Variants in ILDR2 observed in about 807,000 individuals in gnomAD.
ILDR2 encodes immunoglobulin like domain containing receptor 2.
ILDR2 carries 25 observed loss-of-function variants against 66.8 expected under a neutral mutation model. That is an observed-to-expected ratio of 0.37 (90% CI 0.27 to 0.52). The LOEUF (loss-of-function observed/expected upper bound fraction) is 0.52, where lower values mean the gene tolerates loss of function less well. Among genes scored for constraint, ILDR2 ranks in the 20% least tolerant of loss-of-function variants. The pLI is 0.88. For missense variants in ILDR2, 827 were observed against 876.8 expected (o/e 0.94, Z 0.72); for synonymous variants, 367 against 357.2 (o/e 1.03, Z -0.31).
chr1:166,900,436 C>T (rs1417854311), intron 2 of ILDR2, among the ~76,000 whole-genome samples: 1 of 152,238 alleles, frequency 6.6e-6, no homozygotes, highest in Non-Finnish European at 1.5e-5. Context: ...TCATTGCACA[C>T]ACTTTGAGAT....
chr1:166,905,472 G>A (rs1659330464), downstream of ILDR2, among the ~76,000 whole-genome samples: 1 of 152,320 alleles, frequency 6.6e-6, no homozygotes, highest in Non-Finnish European at 1.5e-5. Context: ...ATGAAACTGA[G>A]GCTAAGATAT....
chr1:166,938,324 A>G (rs1272568820), intron 4 of ILDR2, among the ~76,000 whole-genome samples: 1 of 152,244 alleles, frequency 6.6e-6, no homozygotes, highest in Non-Finnish European at 1.5e-5. Flanking sequence ...AAACAAAAGA[A>G]TATTATCTGT....
chr1:166,964,226 G>C (rs988815402), intron 1 of ILDR2, among the ~76,000 whole-genome samples: 2 of 152,050 alleles, frequency 1.3e-5, no homozygotes, highest in Admixed American at 1.3e-4. Context: ...GCAGAGGAGG[G>C]AGTCATCATT....
Position 166,922,960 on chromosome 1 carries a change from T to C in ILDR2, c.995-151A>G, listed in dbSNP as rs1481922632. On this transcript the variant is annotated intron_variant, in intron 7 of 9. Coordinates refer to ENST00000271417, the MANE Select transcript of ILDR2 (RefSeq NM_199351.3). ...GGTTGTAAGCCTGAACTAGTGGTGT[T>C]TGTATTCTTAGCTCAGCAGGCATTG... is the stretch of plus-strand genomic sequence containing the variant. 5.6e-5 allele frequency: 37 copies of C among 661,420 alleles called. No homozygotes were observed. The East Asian group carries it at 1.0e-3, about 18-fold the overall frequency. 41.0% of individuals were successfully genotyped at this position (661,420 alleles called of 1,614,324 possible). A position where few individuals can be genotyped will look rare whatever the true frequency, so the allele number is the denominator to read the frequency against.
At chr1:166,895,962 TGTTCCTATGTCTTCA>T (rs1659160043) in exon 3 of ILDR2, 5 of 152,256 alleles carry the variant, frequency 3.3e-5, no homozygotes, top group South Asian at 2.1e-4. Flanking sequence ...TTCTTCTCGA[TGTTCCTATGTCTTCA>T]GAGATAAGAA....
At chr1:166,947,858 G>T (rs528152236) in intron 3 of ILDR2, among the ~76,000 whole-genome samples, 1 of 152,180 alleles carries the variant, frequency 6.6e-6, no homozygotes, top group Admixed American at 6.5e-5. Flanking sequence ...GCGGAATAAA[G>T]GCTGCGAGGA....
At chr1:166,932,245 C>T (rs1017589352) in intron 6 of ILDR2, among the ~76,000 whole-genome samples, 1 of 152,152 alleles carries the variant, frequency 6.6e-6, no homozygotes, top group Non-Finnish European at 1.5e-5. Context: ...TTAAATTTAG[C>T]AATCAGACAA....
rs1237087819 is a variant in ILDR2 at position 166,913,128 on chromosome 1, T to C, written c.*6227A>G. On this transcript the variant is annotated 3_prime_UTR_variant, in exon 10 of 10. Coordinates refer to ENST00000271417, the MANE Select transcript of ILDR2 (RefSeq NM_199351.3). The stretch of plus-strand genomic sequence containing the variant: ...GAGAAGGACATGTATCATATGATTC[T>C]TTCTCTTGCTGAGGCCATTTAATGT... 2.6e-5 allele frequency: 4 copies of C among 152,372 alleles called. No homozygotes were observed. Among genetic ancestry groups the C allele is most frequent in the African/African-American group, 9.6e-5 (4 of 41,594 alleles). The allele number at this position is 152,372 out of a possible 1,614,324, so 9.4% of individuals were successfully genotyped here. A position where few individuals can be genotyped will look rare whatever the true frequency, so the allele number is the denominator to read the frequency against.
chr1:166,922,115 A>T (rs1216223926), intron 8 of ILDR2, among the ~76,000 whole-genome samples: 1 of 152,160 alleles, frequency 6.6e-6, no homozygotes. Context: ...CATATACTAA[A>T]TGATCAAAAA....
At chr1:166,926,180 G>A (rs774284724) in intron 7 of ILDR2, among the ~76,000 whole-genome samples, 2 of 152,204 alleles carry the variant, frequency 1.3e-5, no homozygotes, top group South Asian at 2.1e-4. Flanking sequence ...CAAGTCTCTC[G>A]TTAGTTCCAA....
At chr1:166,933,570 C>G in intron 6 of ILDR2, 1 of 981,514 alleles carries the variant, frequency 1.0e-6, no homozygotes, top group South Asian at 4.7e-5. Flanking sequence ...AATGGTTGAA[C>G]TGCAACAAAG....
chr1:166,935,500 A>G (rs761701333), intron 5 of ILDR2, 23 bp from the exon 6 acceptor site: 2 of 1,541,100 alleles, frequency 1.3e-6, no homozygotes, highest in South Asian at 2.6e-5. Flanking sequence ...ATCAAGAGCA[A>G]GAGAGATTAC....
At chr1:166,896,016 G>T (rs879815026) in exon 3 of ILDR2, 9 of 152,154 alleles carry the variant, frequency 5.9e-5, no homozygotes, top group Non-Finnish European at 8.8e-5. Context: ...GATAAGGAAG[G>T]GCACCTCTCA....
chr1:166,909,558 T>C lies in ILDR2; in HGVS notation c.*9797A>G, dbSNP rs1465189153. On this transcript the variant is annotated 3_prime_UTR_variant, in exon 10 of 10. Coordinates refer to ENST00000271417, the MANE Select transcript of ILDR2 (RefSeq NM_199351.3). ...AATGAAACATAAGAGGCTATCGCCT[T>C]GGCCTGAGGGAATGAGAAAAGCTAG... 4.6e-5 allele frequency: 7 copies of C among 151,578 alleles called. No homozygotes were observed. Among genetic ancestry groups the C allele is most frequent in the Non-Finnish European group, 8.8e-5 (6 of 67,962 alleles). 9.4% of individuals were successfully genotyped at this position (151,578 alleles called of 1,614,324 possible). A position where few individuals can be genotyped will look rare whatever the true frequency, so the allele number is the denominator to read the frequency against.
At position 166,919,328 on chromosome 1, in the gene ILDR2, T is replaced by C. The variant is rs1412972960; in HGVS notation, c.*27A>G. 1 of 1,607,186 alleles carries C rather than the reference T, an allele frequency of 6.2e-7. No individual in the cohort carries two copies. Among genetic ancestry groups the C allele is most frequent in the Non-Finnish European group, 8.5e-7 (1 of 1,174,348 alleles). On this transcript the variant is annotated 3_prime_UTR_variant, in exon 10 of 10. Coordinates refer to ENST00000271417, the MANE Select transcript of ILDR2 (RefSeq NM_199351.3). ...GTCCCCGTAGTCCATGTCTGATTTCTCATTATCCAGAGAAATGTTGACAAC... is the reference window on the plus strand; with the variant it reads ...GTCCCCGTAGTCCATGTCTGATTTCCCATTATCCAGAGAAATGTTGACAAC...
chr1:166,944,127 T>C (rs1395254327), intron 3 of ILDR2, among the ~76,000 whole-genome samples: 1 of 152,196 alleles, frequency 6.6e-6, no homozygotes, highest in Non-Finnish European at 1.5e-5. Flanking sequence ...GATTAAATGA[T>C]CAGGGTAGAA....
chr1:166,975,126 C>T (rs886704209), intron 1 of ILDR2, 97 bp downstream of exon 1: 2 of 1,040,722 alleles, frequency 1.9e-6, no homozygotes, highest in Non-Finnish European at 3.0e-6. Context: ...TAAACATGGT[C>T]AGTAAGGAGG....
chr1:166,942,487 T>C (rs920976369), intron 3 of ILDR2, among the ~76,000 whole-genome samples: 6 of 152,232 alleles, frequency 3.9e-5, no homozygotes, highest in Admixed American at 3.9e-4. Context: ...CCAGATTTTA[T>C]GTGAAATAAC....
chr1:166,911,078 T>C lies in ILDR2; in HGVS notation c.*8277A>G, dbSNP rs1302123593. Reference sequence around the variant, plus strand: ...GGCCCGGCCTTCCTTGCCTCTTGAATGAAATCTACATCCATAATTTATTTG... The same window carrying C: ...GGCCCGGCCTTCCTTGCCTCTTGAACGAAATCTACATCCATAATTTATTTG... On this transcript the variant is annotated 3_prime_UTR_variant, in exon 10 of 10. Transcript: ENST00000271417. The C allele has an allele frequency of 1.3e-5, 2 of 152,212 alleles. No individual in the cohort carries two copies. Among genetic ancestry groups the C allele is most frequent in the Admixed American group, 6.5e-5 (1 of 15,278 alleles). The allele number at this position is 152,212 out of a possible 1,614,324, so 9.4% of individuals were successfully genotyped here.
Sources: gnomAD v4.1 joint callset for allele counts (sites outside exome capture counted in the v4.1 genomes callset) on GRCh38, gnomAD v4.1.1 for gene constraint, MANE v1.5 for transcripts, NCBI Gene and HGNC (gene_info 2026-07-23, HGNC 2026-07-21) for gene names.